CNTN5: variants seen among roughly 807,000 people sequenced by gnomAD.
The protein encoded by CNTN5 is contactin 5.
Under a neutral mutation model 129.1 loss-of-function variants are expected in CNTN5, and 77 were observed. The observed-to-expected ratio is 0.60, with a 90% CI of 0.50 to 0.72. The LOEUF is 0.72. CNTN5 is among the 30% of genes least tolerant of loss of function. The pLI, the probability that CNTN5 is intolerant of heterozygous loss-of-function variation, is 0.00. For missense variants in CNTN5, 1,478 were observed against 1,328.8 expected (o/e 1.11, Z -1.75); for synonymous variants, 509 against 465.6 (o/e 1.09, Z -1.20).
At chr11:100,255,141 A>G (rs1023028167) in intron 16 of CNTN5, among the ~76,000 whole-genome samples, 1 of 152,334 alleles carries the variant, frequency 6.6e-6, no homozygotes, top group East Asian at 1.9e-4. Flanking sequence ...AAGGAAGCTA[A>G]TCATAGATCA....
chr11:99,472,794 C>G (rs1039191342), intron 2 of CNTN5, among the ~76,000 whole-genome samples: 4 of 152,032 alleles, frequency 2.6e-5, no homozygotes, highest in Admixed American at 6.6e-5. Context: ...TCACCCTCCC[C>G]AGGTGCACAC....
At chr11:99,359,610 AATAAATATATTTATTTAT>A (rs376224063) in intron 2 of CNTN5, among the ~76,000 whole-genome samples, 4,841 of 149,038 alleles carry the variant, frequency 0.032, 260 homozygotes, top group African/African-American at 0.11. Flanking sequence ...ATTATATATG[AATAAATATATTTATTTAT>A]ATAAATATAT....
chr11:99,639,644 G>A (rs1379690077), intron 3 of CNTN5, among the ~76,000 whole-genome samples: 1 of 133,474 alleles, frequency 7.5e-6, no homozygotes, highest in African/African-American at 2.8e-5. Flanking sequence ...GGCTCACTGA[G>A]GCCTCTGCCT....
chr11:99,836,970 G>C (rs917496172), intron 4 of CNTN5, among the ~76,000 whole-genome samples: 2 of 152,182 alleles, frequency 1.3e-5, no homozygotes, highest in Non-Finnish European at 2.9e-5. Flanking sequence ...AAGATGACCA[G>C]AGGTCACTCT....
chr11:100,004,672 A>G (rs1940081866), intron 9 of CNTN5, among the ~76,000 whole-genome samples: 1 of 152,162 alleles, frequency 6.6e-6, no homozygotes, highest in Non-Finnish European at 1.5e-5. Flanking sequence ...AAACCAAGAC[A>G]TGTATAAACT....
intron 3 of CNTN5, among the ~76,000 whole-genome samples, chr11:99,674,599 T>G (rs1364980817): frequency 6.6e-6 from 1 of 152,148 alleles, no homozygotes; most frequent in Non-Finnish European, 1.5e-5. Context: ...AATACCAGGA[T>G]GCAATCACTC....
intron 6 of CNTN5, among the ~76,000 whole-genome samples, chr11:99,853,836 G>GA (rs768661471): frequency 7.0e-4 from 104 of 148,442 alleles, no homozygotes; most frequent in African/African-American, 6.4e-4. Flanking sequence ...TATAAGTGGA[G>GA]AAAAAAAAAA....
At chr11:100,322,855 A>G (rs893461839) in intron 21 of CNTN5, among the ~76,000 whole-genome samples, 1 of 152,180 alleles carries the variant, frequency 6.6e-6, no homozygotes, top group African/African-American at 2.4e-5. Flanking sequence ...ATTTTTAAAA[A>G]TATCTGATAT....
chr11:99,388,492 A>G (rs1486736290), intron 2 of CNTN5, among the ~76,000 whole-genome samples: 1 of 151,580 alleles, frequency 6.6e-6, no homozygotes, highest in South Asian at 2.1e-4. Flanking sequence ...AAACTACTTG[A>G]AAGCAGATAT....
At chr11:99,695,146 G>T (rs1270706511) in intron 3 of CNTN5, among the ~76,000 whole-genome samples, 1 of 152,006 alleles carries the variant, frequency 6.6e-6, no homozygotes, top group Non-Finnish European at 1.5e-5. Context: ...GTAATAGAGA[G>T]AAATTCCAGA....
At chr11:99,794,087 T>C (rs905076913) in intron 3 of CNTN5, among the ~76,000 whole-genome samples, 4 of 152,188 alleles carry the variant, frequency 2.6e-5, no homozygotes, top group Non-Finnish European at 5.9e-5. Context: ...CTTTTGAATC[T>C]GGGTGCTCCT....
chr11:99,724,533 A>G (rs535737426), intron 3 of CNTN5, among the ~76,000 whole-genome samples: 1 of 152,318 alleles, frequency 6.6e-6, no homozygotes, highest in East Asian at 1.9e-4. Context: ...CAATCCTCAA[A>G]ATCCTGTGAG....
rs117767591 is a variant in CNTN5, at chr11:99,929,361, T to C, written c.673+13212T>C. Reference sequence around the variant, plus strand: ...GTTCCAACCTCTGCCTGTTACCCAGTTGCAAATTTGCTTCCACATTTTTGG... The same window carrying C: ...GTTCCAACCTCTGCCTGTTACCCAGCTGCAAATTTGCTTCCACATTTTTGG... On this transcript the variant is annotated intron_variant, in intron 7 of 24. Coordinates refer to ENST00000524871, the MANE Select transcript of CNTN5 (RefSeq NM_014361.4). Among the ~76,000 whole-genome samples the C allele has an allele frequency of 8.3e-3, 1,266 of 152,304 alleles. 10 individuals are homozygous for C. Among genetic ancestry groups the C allele is most frequent in the Middle Eastern group, 0.017 (5 of 294 alleles).
intron 3 of CNTN5, among the ~76,000 whole-genome samples, chr11:99,614,280 A>AGGG (rs1243513328): frequency 6.6e-6 from 1 of 152,248 alleles, no homozygotes; most frequent in Admixed American, 6.5e-5. Flanking sequence ...TGTACATACA[A>AGGG]TCATTTCTCA....
intron 8 of CNTN5, among the ~76,000 whole-genome samples, chr11:99,971,247 T>C (rs1261706077): frequency 6.6e-6 from 1 of 152,082 alleles, no homozygotes; most frequent in African/African-American, 2.4e-5. Flanking sequence ...CTTTCTCATG[T>C]TAAGATACTT....
Position 99,952,976 on chromosome 11 carries a change from G to A in CNTN5, c.674-3830G>A, listed in dbSNP as rs138845709. ...CAACAACTCAGATGCTATATCCATT[G>A]TGTTCTCTCCAAATTCTTTGACCCA... is the stretch of plus-strand genomic sequence containing the variant. On this transcript the variant is annotated intron_variant, in intron 7 of 24. Transcript: ENST00000524871. 1.5e-3 allele frequency among the ~76,000 whole-genome samples: 221 copies of A among 152,270 alleles called. 1 individual carries two copies. The highest frequency in any genetic ancestry group is 0.01 in the Middle Eastern group (3 of 294).
intron 15 of CNTN5, among the ~76,000 whole-genome samples, chr11:100,209,592 G>C (rs1948982858): frequency 6.6e-6 from 1 of 152,112 alleles, no homozygotes; most frequent in Non-Finnish European, 1.5e-5. Context: ...GGGTTAATTG[G>C]TTTTTCACAA....
At chr11:100,286,547 T>C (rs1394673681) in intron 18 of CNTN5, among the ~76,000 whole-genome samples, 1 of 147,264 alleles carries the variant, frequency 6.8e-6, no homozygotes. Context: ...CTGAGGGTCC[T>C]GTCTGTTAGA....
intron 1 of CNTN5, among the ~76,000 whole-genome samples, chr11:99,317,939 C>G (rs2135988452): frequency 6.6e-6 from 1 of 152,142 alleles, no homozygotes; most frequent in Admixed American, 6.5e-5. Flanking sequence ...TCTCCACATG[C>G]ACTTTTCTGT....
Sources: allele counts gnomAD v4.1 joint callset (sites outside exome capture counted in the v4.1 genomes callset), GRCh38; gene constraint gnomAD v4.1.1; transcripts MANE v1.5; gene names NCBI Gene and HGNC (gene_info 2026-07-23, HGNC 2026-07-21).